The following SPIDR variants were observed in gnomAD, a reference collection of about 807,000 sequenced individuals.
The protein encoded by SPIDR is DNA repair-scaffolding protein.
Under a neutral mutation model 104.6 loss-of-function variants are expected in SPIDR, and 93 were observed. That is an observed-to-expected ratio of 0.89 (90% confidence interval 0.75 to 1.06). The LOEUF (loss-of-function observed/expected upper bound fraction) is 1.06, where lower values mean the gene tolerates loss of function less well. Among genes scored for constraint, SPIDR ranks in the 50% least tolerant of loss-of-function variants. SPIDR has a pLI of 0.00. For missense variants in SPIDR, 1,154 were observed against 1,111.2 expected (o/e 1.04, Z -0.55); for synonymous variants, 431 against 416.9 (o/e 1.03, Z -0.41).
intron 5 of SPIDR, among the ~76,000 whole-genome samples, chr8:47,364,713 G>A (rs782207391): frequency 6.6e-6 from 1 of 152,110 alleles, no homozygotes; most frequent in Non-Finnish European, 1.5e-5. Flanking sequence ...TCTTTTCGGT[G>A]GCATTTTCTG....
chr8:47,671,580 A>G (rs868806444), intron 10 of SPIDR, among the ~76,000 whole-genome samples: 136 of 135,110 alleles, frequency 1.0e-3, no homozygotes, highest in African/African-American at 3.3e-3. Context: ...GCAAGACTCC[A>G]TCTCAAAATA....
chr8:47,498,997 A>G (rs950154523), intron 8 of SPIDR, among the ~76,000 whole-genome samples: 10 of 152,194 alleles, frequency 6.6e-5, no homozygotes, highest in Non-Finnish European at 1.0e-4. Flanking sequence ...TTTCATTACC[A>G]TCTAGAAGCA....
At chr8:47,654,875 C>G (rs552206725) in intron 10 of SPIDR, among the ~76,000 whole-genome samples, 4 of 152,038 alleles carry the variant, frequency 2.6e-5, no homozygotes, top group African/African-American at 4.8e-5. Context: ...ATCCCTCCCC[C>G]CTCCTCCCAC....
chr8:47,511,706 G>T (rs928486077), intron 8 of SPIDR: 8 of 1,046,256 alleles, frequency 7.6e-6, no homozygotes, highest in Non-Finnish European at 1.2e-5. Context: ...AATGGTCTTG[G>T]TGTACTGGTC....
intron 6 of SPIDR, among the ~76,000 whole-genome samples, chr8:47,400,907 A>G (rs1404701822): frequency 6.6e-6 from 1 of 151,938 alleles, no homozygotes; most frequent in Non-Finnish European, 1.5e-5. Context: ...GTTGGAAAAC[A>G]CTCTTCAGGA....
chr8:47,559,156 A>G (rs1357425641), intron 8 of SPIDR, among the ~76,000 whole-genome samples: 1 of 152,236 alleles, frequency 6.6e-6, no homozygotes, highest in Admixed American at 6.5e-5. Context: ...TTAAACAGTC[A>G]ACTGTATAAT....
chr8:47,566,985 A>AAT (rs2057935784), intron 8 of SPIDR, among the ~76,000 whole-genome samples: 1 of 152,162 alleles, frequency 6.6e-6, no homozygotes, highest in African/African-American at 2.4e-5. Flanking sequence ...GTCAAACTCT[A>AAT]ATATATATAA....
chr8:47,579,924 G>A (rs1181543261), intron 8 of SPIDR, among the ~76,000 whole-genome samples: 2 of 152,356 alleles, frequency 1.3e-5, no homozygotes, highest in Middle Eastern at 3.4e-3. Flanking sequence ...ATCTTGGAAA[G>A]AGAACAGACT....
chr8:47,676,771 G>A (rs138345331), intron 11 of SPIDR, among the ~76,000 whole-genome samples: 18 of 152,300 alleles, frequency 1.2e-4, no homozygotes, highest in Admixed American at 1.1e-3. Context: ...TTCTGGTGAT[G>A]AAATATCACT....
chr8:47,458,319 C>T (rs2073342719), intron 8 of SPIDR, among the ~76,000 whole-genome samples: 2 of 131,818 alleles, frequency 1.5e-5, no homozygotes, highest in Admixed American at 1.7e-4. Context: ...AAGCATATTC[C>T]TAAGTATTTT....
intron 10 of SPIDR, among the ~76,000 whole-genome samples, chr8:47,672,249 C>A (rs921034649): frequency 8.5e-5 from 13 of 152,242 alleles, no homozygotes; most frequent in African/African-American, 2.4e-4. Context: ...GTGTGAGCCA[C>A]TATGGCCAGC....
At chr8:47,659,221 G>A (rs1475376001) in intron 10 of SPIDR, among the ~76,000 whole-genome samples, 1 of 152,126 alleles carries the variant, frequency 6.6e-6, no homozygotes, top group Non-Finnish European at 1.5e-5. Context: ...ATGACAGCAC[G>A]GTACTCCAGC....
chr8:47,554,291 C>T (rs953182128), intron 8 of SPIDR, among the ~76,000 whole-genome samples: 2 of 152,174 alleles, frequency 1.3e-5, no homozygotes, highest in African/African-American at 4.8e-5. Context: ...CAGACAGGTA[C>T]GTTTAAGTCT....
At chr8:47,344,547 G>A (rs554142405) in intron 5 of SPIDR, among the ~76,000 whole-genome samples, 27 of 152,336 alleles carry the variant, frequency 1.8e-4, no homozygotes, top group Middle Eastern at 3.4e-3. Context: ...TCACCACACT[G>A]TCTTCCACAG....
intron 7 of SPIDR, among the ~76,000 whole-genome samples, chr8:47,408,981 A>G (rs1554669262): frequency 4.6e-5 from 7 of 152,142 alleles, no homozygotes. Flanking sequence ...AGGTCAAGAG[A>G]TCGAGACCAT....
At chr8:47,511,692 G>A (rs1022865104) in intron 8 of SPIDR, 29 of 949,904 alleles carry the variant, frequency 3.1e-5, no homozygotes, top group Non-Finnish European at 3.5e-5. Flanking sequence ...AGCCATCTCC[G>A]GCAAATGGTC....
chr8:47,434,220 C>G (rs1585642057), intron 7 of SPIDR, among the ~76,000 whole-genome samples: 1 of 152,064 alleles, frequency 6.6e-6, no homozygotes, highest in Non-Finnish European at 1.5e-5. Context: ...AGGTCCTGTC[C>G]ACATGGGAAG....
intron 11 of SPIDR, 46 bp downstream of exon 11, chr8:47,673,987 T>C (rs1225606690): frequency 2.5e-6 from 4 of 1,590,118 alleles, no homozygotes; most frequent in Non-Finnish European, 3.4e-6. Context: ...AATTGTTGGT[T>C]CTTTTTCTTA....
Position 47,476,826 on chromosome 8 carries a change from A to G in SPIDR, c.1097+36284A>G, listed in dbSNP as rs1477414756. Among the ~76,000 whole-genome samples, 6 of 152,368 alleles carry G rather than the reference A, an allele frequency of 3.9e-5. 1 individual carries two copies. Among genetic ancestry groups the G allele is most frequent in the Non-Finnish European group, 7.3e-5 (5 of 68,034 alleles). On this transcript the variant is annotated intron_variant, in intron 8 of 19. Coordinates refer to ENST00000297423, the MANE Select transcript of SPIDR (RefSeq NM_001080394.4). ...TAAAGTAGGAGACTCGGTCAACACC[A>G]AGGCTCAGGGCTCTGCCCAAAAACA...
Sources: allele counts gnomAD v4.1 joint callset (sites outside exome capture counted in the v4.1 genomes callset), GRCh38; gene constraint gnomAD v4.1.1; transcripts MANE v1.5; gene names NCBI Gene and HGNC (gene_info 2026-07-23, HGNC 2026-07-21).